Variants in CDH6 observed in about 807,000 individuals in gnomAD.
CDH6 encodes cadherin 6.
In CDH6, 31 loss-of-function variants were observed where a neutral mutation model predicts 78.0. That is an observed-to-expected ratio of 0.40 (90% CI 0.30 to 0.54). The LOEUF (loss-of-function observed/expected upper bound fraction) is 0.54, where lower values mean the gene tolerates loss of function less well. CDH6 is among the 20% of genes least tolerant of loss of function. CDH6 has a pLI of 0.56. For missense variants in CDH6, 724 were observed against 975.9 expected (o/e 0.74, Z 3.44); for synonymous variants, 376 against 368.8 (o/e 1.02, Z -0.23).
At chr5:31,313,793 C>T (rs1251866451) in intron 8 of CDH6, among the ~76,000 whole-genome samples, 3 of 117,656 alleles carry the variant, frequency 2.5e-5, no homozygotes, top group African/African-American at 7.5e-5. Context: ...CTCAGTCAGA[C>T]ACTGTGTGTG....
In CDH6 at chr5:31,324,955, A is replaced by T. The variant is rs1337468023; in HGVS notation, c.*1647A>T. ...ATATACTTAAGAATATGCTGACTTC[A>T]CTTATTAGTCTTAGGGATTTATTTT... On this transcript the variant is annotated 3_prime_UTR_variant, in exon 12 of 12. Transcript: ENST00000265071. The T allele has an allele frequency of 4.9e-6, 1 of 203,580 alleles. No individual in the cohort carries two copies. The highest frequency in any genetic ancestry group is 1.0e-5 in the Non-Finnish European group (1 of 99,424). The allele number at this position is 203,580 out of a possible 1,614,324, so 12.6% of individuals were successfully genotyped here.
chr5:31,226,471 G>A (rs1454867787), intron 1 of CDH6, among the ~76,000 whole-genome samples: 6 of 152,142 alleles, frequency 3.9e-5, no homozygotes. Context: ...CACTGCGCCC[G>A]GCCCAGAGTA....
In CDH6 at chr5:31,322,869, T is replaced by C; in HGVS notation, c.1934T>C (p.Leu645Ser). 6.2e-7 allele frequency: 1 copy of C among 1,614,130 alleles called. No homozygotes were observed. The highest frequency in any genetic ancestry group is 8.5e-7 in the Non-Finnish European group (1 of 1,180,008). The change falls in exon 12 of 12, where the codon TTG becomes TCG. Residue 645 changes from leucine (L) to serine (S), a missense_variant. Leu to Ser is a moderately radical substitution (Grantham distance 145). This residue lies in a region of CDH6 where 220 missense variants were observed against 240.6 expected (regional missense o/e 0.91). Coordinates refer to ENST00000265071, the MANE Select transcript of CDH6 (RefSeq NM_004932.4). The part of the protein sequence containing the change: ...ALRRQRKKEP[L>S]IISKEDIRDN... Reference sequence around the variant, plus strand: ...AGGCGGCAGCGAAAAAAAGAGCCTTTGATCATTTCCAAAGAGGACATCAGA... The same window carrying C: ...AGGCGGCAGCGAAAAAAAGAGCCTTCGATCATTTCCAAAGAGGACATCAGA...
At chr5:31,210,109 T>TGTGTGTGTGTGTG (rs1561024477) in intron 1 of CDH6, among the ~76,000 whole-genome samples, 4 of 151,784 alleles carry the variant, frequency 2.6e-5, no homozygotes, top group Non-Finnish European at 4.4e-5. Flanking sequence ...TGTGTGTGTG[T>TGTGTGTGTGTGTG]TTGCAGAAGG....
intron 1 of CDH6, among the ~76,000 whole-genome samples, chr5:31,254,822 AT>A (rs1194264309): frequency 2.0e-5 from 3 of 152,204 alleles, no homozygotes; most frequent in Non-Finnish European, 2.9e-5. Context: ...GACTGATTTC[AT>A]TTTGTTTTTT....
intron 1 of CDH6, among the ~76,000 whole-genome samples, chr5:31,233,372 G>A (rs1199239321): frequency 6.6e-6 from 1 of 151,666 alleles, no homozygotes; most frequent in Non-Finnish European, 1.5e-5. Context: ...AAAATTAACC[G>A]GGCATAGTTG....
chr5:31,240,784 C>T (rs1398857919), intron 1 of CDH6, among the ~76,000 whole-genome samples: 1 of 152,172 alleles, frequency 6.6e-6, no homozygotes, highest in African/African-American at 2.4e-5. Context: ...ATGATAGTGT[C>T]GCTCTGAGTT....
At chr5:31,279,541 G>A (rs1350229770) in intron 2 of CDH6, among the ~76,000 whole-genome samples, 1 of 152,076 alleles carries the variant, frequency 6.6e-6, no homozygotes, top group Non-Finnish European at 1.5e-5. Context: ...CTGCACTCTA[G>A]CCTGGGTGAC....
At position 31,316,326 on chromosome 5, in the gene CDH6, T is replaced by A; in HGVS notation, c.1509T>A (p.Asp503Glu). 6.2e-7 allele frequency: 1 copy of A among 1,608,742 alleles called. No homozygotes were observed. The highest frequency in any genetic ancestry group is 8.5e-7 in the Non-Finnish European group (1 of 1,178,572). ...TTGTCTGTGAAAAAGCAAAGGCAGATCAGGTGAGTTTCATTAAAAAGTATA... is the reference window on the plus strand; with the variant it reads ...TTGTCTGTGAAAAAGCAAAGGCAGAACAGGTGAGTTTCATTAAAAAGTATA... Reference protein sequence around the residue: ...ETFVCEKAKADQLIQTLHAVD... With the variant: ...ETFVCEKAKAEQLIQTLHAVD... The change falls in exon 9 of 12, where the codon GAT becomes GAA. Residue 503 changes from aspartate (D) to glutamate (E), a missense_variant. Physicochemically the swap from Asp to Glu is conservative, Grantham distance 45. Coordinates refer to ENST00000265071, the MANE Select transcript of CDH6 (RefSeq NM_004932.4).
intron 1 of CDH6, among the ~76,000 whole-genome samples, chr5:31,265,773 T>TG (rs1258595341): frequency 3.8e-5 from 5 of 131,518 alleles, no homozygotes; most frequent in African/African-American, 8.8e-5. Flanking sequence ...GACAATGTTT[T>TG]TTTTTTTTTT....
At position 31,328,175 on chromosome 5, in the gene CDH6, CTTTTT is replaced by C. The variant is rs151043213; in HGVS notation, c.*4884_*4888del. 262 of 122,044 alleles carry C rather than the reference CTTTTT, an allele frequency of 2.1e-3. No homozygotes were observed. Among genetic ancestry groups the C allele is most frequent in the African/African-American group, 6.6e-3 (183 of 27,920 alleles). The allele number at this position is 122,044 out of a possible 1,614,324, so 7.6% of individuals were successfully genotyped here. On this transcript the variant is annotated 3_prime_UTR_variant, in exon 12 of 12. Coordinates refer to ENST00000265071, the MANE Select transcript of CDH6 (RefSeq NM_004932.4). ...AGAGCTTTTACAAGTTGCTTAATTC[CTTTTT>C]TTTTTTTTTTTTTTTTCAAAAACCC...
chr5:31,264,657 A>G (rs1225653976), intron 1 of CDH6, among the ~76,000 whole-genome samples: 1 of 152,242 alleles, frequency 6.6e-6, no homozygotes, highest in Non-Finnish European at 1.5e-5. Flanking sequence ...CTAAAAAACT[A>G]ACATCAAATA....
At chr5:31,261,150 A>C (rs1742201707) in intron 1 of CDH6, among the ~76,000 whole-genome samples, 1 of 152,066 alleles carries the variant, frequency 6.6e-6, no homozygotes, top group African/African-American at 2.4e-5. Flanking sequence ...TGTTTAATTC[A>C]TCTTCCTTAT....
intron 1 of CDH6, among the ~76,000 whole-genome samples, chr5:31,241,509 G>A (rs1399459465): frequency 1.3e-5 from 2 of 152,250 alleles, no homozygotes; most frequent in African/African-American, 4.8e-5. Flanking sequence ...AATGCCAGCT[G>A]CTATAACACA....
intron 1 of CDH6, among the ~76,000 whole-genome samples, chr5:31,233,105 C>G (rs1741357695): frequency 6.6e-6 from 1 of 152,086 alleles, no homozygotes; most frequent in African/African-American, 2.4e-5. Flanking sequence ...ATAGACATAT[C>G]TCTATAAACA....
chr5:31,234,896 CT>C (rs1166734007), intron 1 of CDH6, among the ~76,000 whole-genome samples: 2 of 152,214 alleles, frequency 1.3e-5, no homozygotes, highest in Admixed American at 1.3e-4. Flanking sequence ...ATTGAAGCTA[CT>C]TTAAAATTAA....
intron 7 of CDH6, among the ~76,000 whole-genome samples, chr5:31,308,313 A>C (rs1268222954): frequency 6.6e-6 from 1 of 152,104 alleles, no homozygotes; most frequent in Non-Finnish European, 1.5e-5. Flanking sequence ...GTCACTATAC[A>C]TACAAATTAT....
At chr5:31,238,738 A>T (rs1741519397) in intron 1 of CDH6, among the ~76,000 whole-genome samples, 1 of 152,204 alleles carries the variant, frequency 6.6e-6, no homozygotes, top group South Asian at 2.1e-4. Flanking sequence ...TCAGACTAGC[A>T]ATATCTCAAG....
chr5:31,310,153 T>C lies in CDH6; in HGVS notation c.1254-3165T>C, dbSNP rs142574313. 3.2e-4 allele frequency among the ~76,000 whole-genome samples: 48 copies of C among 152,274 alleles called. 1 individual carries two copies. The East Asian group carries it at 9.1e-3, about 29-fold the overall frequency. On this transcript the variant is annotated intron_variant, in intron 7 of 11. Coordinates refer to ENST00000265071, the MANE Select transcript of CDH6 (RefSeq NM_004932.4). ...TGAGCCTGTAAAATAAAAAACAAGT[T>C]AGTTACTTCCATACAATGGGGTTAC...
Sources: allele counts gnomAD v4.1 joint callset (sites outside exome capture counted in the v4.1 genomes callset), GRCh38; gene constraint gnomAD v4.1.1; regional missense constraint gnomAD v4.1.1; transcripts MANE v1.5; gene names NCBI Gene and HGNC (gene_info 2026-07-23, HGNC 2026-07-21).